PM20D1: variants seen among roughly 807,000 people sequenced by gnomAD.
PM20D1 encodes the protein peptidase M20 domain containing 1, also known as N-fatty-acyl-amino acid synthase/hydrolase PM20D1.
PM20D1 carries 53 observed loss-of-function variants against 53.8 expected under a neutral mutation model. The observed-to-expected ratio is 0.98, with a 90% CI of 0.79 to 1.24. The LOEUF (loss-of-function observed/expected upper bound fraction) is 1.24, where lower values mean the gene tolerates loss of function less well. Ranked by LOEUF, PM20D1 falls within the 50% of genes most tolerant of loss-of-function variation. The probability of loss-of-function intolerance (pLI) is 0.00; values close to 1 mark genes in which losing one functional copy is unlikely to be tolerated. For synonymous variants in PM20D1, 239 were observed against 241.3 expected, an observed-to-expected ratio of 0.99 and a Z score of 0.09; for missense variants, 564 against 616.8, an observed-to-expected ratio of 0.91 and a Z score of 0.91.
intron 8 of PM20D1, 118 bp from the exon 9 acceptor site, chr1:205,842,007 A>G (rs776042449): frequency 1.1e-4 from 132 of 1,201,056 alleles, no homozygotes; most frequent in Non-Finnish European, 1.5e-4. Context: ...GAGACGTCTT[A>G]GAGATGTCTT....
In PM20D1 at chr1:205,845,570, AG is replaced by A; in HGVS notation, c.257-14del. ...ACTGTAGGAAAGACTAGAAGCAAAA[AG>A]GGCAGGAAGAGAGAACCAGGGTTAA... On this transcript the variant is annotated splice_polypyrimidine_tract_variant and intron_variant, in intron 2 of 12. Transcript: ENST00000367136. 6.2e-7 allele frequency: 1 copy of A among 1,603,470 alleles called. No individual in the cohort carries two copies.
chr1:205,848,136 G>C (rs1485174955), intron 1 of PM20D1, among the ~76,000 whole-genome samples, 165 bp from the exon 2 acceptor site: 1 of 152,228 alleles, frequency 6.6e-6, no homozygotes, highest in East Asian at 1.9e-4. Context: ...GAAGATGAGG[G>C]AAAATGCTTG....
At chr1:205,842,593 G>A in intron 7 of PM20D1, 83 bp downstream of exon 7, 2 of 1,344,834 alleles carry the variant, frequency 1.5e-6, no homozygotes, top group Non-Finnish European at 2.1e-6. Flanking sequence ...CAGTACTAGG[G>A]TCCTTTTCTT....
intron 10 of PM20D1, among the ~76,000 whole-genome samples, chr1:205,834,677 C>CT (rs1656642599): frequency 6.6e-6 from 1 of 152,240 alleles, no homozygotes; most frequent in African/African-American, 2.4e-5. Flanking sequence ...AATGCACGGT[C>CT]TTGACATATT....
chr1:205,844,355 T>G, intron 4 of PM20D1, 138 bp from the exon 5 acceptor site: 18 of 996,742 alleles, frequency 1.8e-5, no homozygotes, highest in Non-Finnish European at 2.5e-5. Flanking sequence ...GCCAGGGCCC[T>G]AGAGAATCCT....
intron 9 of PM20D1, among the ~76,000 whole-genome samples, chr1:205,841,387 G>A (rs915737405): frequency 1.3e-5 from 2 of 152,110 alleles, no homozygotes; most frequent in Non-Finnish European, 2.9e-5. Context: ...ATACTCATAG[G>A]ACTCTTAGAA....
intron 5 of PM20D1, 107 bp downstream of exon 5, chr1:205,843,980 G>A (rs972908511): frequency 1.3e-6 from 2 of 1,495,874 alleles, no homozygotes; most frequent in East Asian, 2.3e-5. Context: ...TAATGCGAGA[G>A]GTGTACACAA....
chr1:205,844,654 G>A (rs745697143), intron 4 of PM20D1, among the ~76,000 whole-genome samples, 157 bp downstream of exon 4: 2 of 152,210 alleles, frequency 1.3e-5, no homozygotes, highest in South Asian at 2.1e-4. Context: ...TTTGGTCAAG[G>A]TCCTTAGATA....
In PM20D1 at chr1:205,832,621, G is replaced by C. The variant is rs142013357; in HGVS notation, c.1262C>G (p.Pro421Arg). 14 of 1,613,978 alleles carry C rather than the reference G, an allele frequency of 8.7e-6. No individual in the cohort carries two copies. The highest frequency in any genetic ancestry group is 4.0e-5 in the African/African-American group (3 of 74,910). The change falls in exon 11 of 13, where the codon CCG (proline) becomes CGG (arginine). Residue 421 changes from proline (P) to arginine (R), a missense_variant. Coordinates refer to ENST00000367136, the MANE Select transcript of PM20D1 (RefSeq NM_152491.5). ...ACCTGGGGCAGTAATATTGACTTCC[G>C]GGAAGACGGACTGTACGGTCTGGCG... ...LLRQTVQSVFPEVNITAPVTS... is the reference protein window; with the variant it reads ...LLRQTVQSVFREVNITAPVTS...
intron 9 of PM20D1, 150 bp from the exon 10 acceptor site, chr1:205,840,473 C>T: frequency 1.6e-6 from 1 of 626,380 alleles, no homozygotes; most frequent in Non-Finnish European, 2.8e-6. Flanking sequence ...TGCCTCTTGT[C>T]TTCTCTGAAC....
At chr1:205,839,318 G>A (rs1302641619) in intron 10 of PM20D1, among the ~76,000 whole-genome samples, 1 of 152,154 alleles carries the variant, frequency 6.6e-6, no homozygotes, top group African/African-American at 2.4e-5. Context: ...CTAAGAAGTA[G>A]CATGAATTTC....
At chr1:205,840,210 C>A in intron 10 of PM20D1, 42 bp downstream of exon 10, 2 of 1,573,904 alleles carry the variant, frequency 1.3e-6, no homozygotes, top group South Asian at 2.3e-5. Context: ...CCACATCTCC[C>A]TGATGCTGCA....
chr1:205,837,275 T>C (rs1355296089), intron 10 of PM20D1, among the ~76,000 whole-genome samples: 22 of 152,222 alleles, frequency 1.4e-4, no homozygotes, highest in Non-Finnish European at 1.5e-5. Context: ...AACACTCTTA[T>C]TGAGCCCTTT....
At chr1:205,831,325 A>G (rs1211627373) in intron 11 of PM20D1, among the ~76,000 whole-genome samples, 2 of 152,128 alleles carry the variant, frequency 1.3e-5, no homozygotes, top group African/African-American at 4.8e-5. Flanking sequence ...ATTGCTGCCT[A>G]TCTTTTTTCT....
intron 7 of PM20D1, 82 bp from the exon 8 acceptor site, chr1:205,842,297 G>A (rs1656830447): frequency 3.0e-6 from 4 of 1,317,486 alleles, no homozygotes; most frequent in Admixed American, 1.7e-5. Flanking sequence ...CTCTACTTTA[G>A]AGCTGCCTCA....
At chr1:205,838,882 C>A (rs1656742787) in intron 10 of PM20D1, among the ~76,000 whole-genome samples, 1 of 152,168 alleles carries the variant, frequency 6.6e-6, no homozygotes, top group Non-Finnish European at 1.5e-5. Context: ...CCTATTGAAC[C>A]CACCTCTCTC....
intron 2 of PM20D1, among the ~76,000 whole-genome samples, chr1:205,846,738 G>A (rs1199249474): frequency 2.0e-5 from 3 of 151,818 alleles, no homozygotes; most frequent in Non-Finnish European, 4.4e-5. Context: ...TTATTCAAGC[G>A]ACCTTAGCTA....
intron 9 of PM20D1, among the ~76,000 whole-genome samples, chr1:205,840,728 C>T (rs1484087386): frequency 6.6e-6 from 1 of 152,230 alleles, no homozygotes. Context: ...ATGGGGCAGC[C>T]AGAGCCTCTG....
Position 205,845,436 on chromosome 1 carries a change from A to C in PM20D1, c.378T>G (p.Phe126Leu), listed in dbSNP as rs745634086. 1.2e-6 allele frequency: 2 copies of C among 1,614,106 alleles called. No homozygotes were observed. Residue 126 changes from phenylalanine (F) to leucine (L), a missense_variant, in exon 3 of 13, where the codon TTT (phenylalanine) becomes TTG (leucine). Phe to Leu is a conservative substitution (Grantham distance 22). Coordinates refer to ENST00000367136, the MANE Select transcript of PM20D1 (RefSeq NM_152491.5). Reference sequence around the variant, plus strand: ...CTTCTTCAGGGGCAGGCACCACATCAAAGTGAGCCATCAGCAGGTAGGGCT... The same window carrying C: ...CTTCTTCAGGGGCAGGCACCACATCCAAGTGAGCCATCAGCAGGTAGGGCT... ...SLQPYLLMAH[F>L]DVVPAPEEGW...
Sources: allele counts gnomAD v4.1 joint callset (sites outside exome capture counted in the v4.1 genomes callset), GRCh38; gene constraint gnomAD v4.1.1; transcripts MANE v1.5; gene names NCBI Gene and HGNC (gene_info 2026-07-23, HGNC 2026-07-21).